SYN3: variants seen among roughly 807,000 people sequenced by gnomAD.
SYN3 encodes the protein synapsin III.
SYN3 carries 35 observed loss-of-function variants against 65.8 expected under a neutral mutation model. The ratio of observed to expected loss-of-function variants is 0.53; its 90% CI spans 0.41 to 0.70. The LOEUF (loss-of-function observed/expected upper bound fraction) is 0.70, where lower values mean the gene tolerates loss of function less well. Among genes scored for constraint, SYN3 ranks in the 30% least tolerant of loss-of-function variants. SYN3 has a pLI of 0.00. For missense variants in SYN3, 680 were observed against 749.0 expected, an observed-to-expected ratio of 0.91 and a Z score of 1.08; for synonymous variants, 270 against 292.9, an observed-to-expected ratio of 0.92 and a Z score of 0.80.
chr22:32,570,369 A>AT (rs935510732), intron 7 of SYN3, among the ~76,000 whole-genome samples: 2 of 152,168 alleles, frequency 1.3e-5, no homozygotes, highest in Non-Finnish European at 2.9e-5. Context: ...AGCAGTAAAG[A>AT]TTTTTTTATG....
chr22:32,858,112 C>T (rs1483440742), intron 6 of SYN3: 2 of 1,614,156 alleles, frequency 1.2e-6, no homozygotes, highest in Non-Finnish European at 1.7e-6. Context: ...GCTGAACTAT[C>T]GGTATCACCT....
At chr22:32,674,126 G>C (rs1490153296) in intron 6 of SYN3, among the ~76,000 whole-genome samples, 2 of 152,122 alleles carry the variant, frequency 1.3e-5, no homozygotes, top group African/African-American at 4.8e-5. Flanking sequence ...CCTAGATATG[G>C]GTAGAGTAGG....
chr22:32,866,934 T>C (rs2048702242), intron 5 of SYN3, among the ~76,000 whole-genome samples: 1 of 152,220 alleles, frequency 6.6e-6, no homozygotes. Flanking sequence ...GTGTGTACTT[T>C]GTGCCAGCCA....
intron 10 of SYN3, among the ~76,000 whole-genome samples, chr22:32,531,631 G>C (rs182541101): frequency 6.6e-6 from 1 of 151,684 alleles, no homozygotes; most frequent in Non-Finnish European, 1.5e-5. Context: ...CACATTTTCA[G>C]TTCTCACCAC....
At chr22:32,948,651 G>A (rs2051188288) in intron 3 of SYN3, among the ~76,000 whole-genome samples, 1 of 152,050 alleles carries the variant, frequency 6.6e-6, no homozygotes, top group Non-Finnish European at 1.5e-5. Context: ...GCAGGAGAAT[G>A]GCGTGAACCT....
intron 3 of SYN3, among the ~76,000 whole-genome samples, chr22:32,972,879 C>T (rs144565298): frequency 2.2e-4 from 34 of 152,018 alleles, no homozygotes; most frequent in Non-Finnish European, 4.6e-4. Context: ...GATGGTGGTG[C>T]ACACCTGTGG....
intron 6 of SYN3, among the ~76,000 whole-genome samples, chr22:32,742,125 A>C (rs2044790468): frequency 6.6e-6 from 1 of 151,914 alleles, no homozygotes; most frequent in African/African-American, 2.4e-5. Flanking sequence ...AATACAAAAA[A>C]ATTAGCCGGG....
intron 2 of SYN3, among the ~76,000 whole-genome samples, chr22:32,995,390 C>T (rs1046897244): frequency 2.6e-5 from 4 of 152,164 alleles, no homozygotes; most frequent in African/African-American, 9.7e-5. Context: ...ATAAGTCTCT[C>T]CAAATATGGC....
At chr22:32,667,244 C>T (rs2060301425) in intron 6 of SYN3, among the ~76,000 whole-genome samples, 1 of 151,894 alleles carries the variant, frequency 6.6e-6, no homozygotes, top group African/African-American at 2.4e-5. Flanking sequence ...TCCTCACTCA[C>T]TCACTCCCTT....
intron 6 of SYN3, among the ~76,000 whole-genome samples, chr22:32,739,030 G>A (rs1430707038): frequency 6.6e-6 from 1 of 152,188 alleles, no homozygotes; most frequent in African/African-American, 2.4e-5. Context: ...TAATTGGTTT[G>A]AAATTTTGGC....
chr22:33,053,831 A>G (rs2054210975), intron 1 of SYN3, among the ~76,000 whole-genome samples: 1 of 152,300 alleles, frequency 6.6e-6, no homozygotes, highest in Admixed American at 6.5e-5. Flanking sequence ...AAACTCCATG[A>G]GATTAGAGCC....
chr22:32,632,611 T>A (rs2059761793), intron 6 of SYN3, among the ~76,000 whole-genome samples: 1 of 152,194 alleles, frequency 6.6e-6, no homozygotes. Context: ...ACTGAGAATC[T>A]GCAGCTTGGT....
Position 32,931,466 on chromosome 22 carries a change from A to C in SYN3, c.385T>G (p.Leu129Val). 6.2e-7 allele frequency: 1 copy of C among 1,613,792 alleles called. No homozygotes were observed. Among genetic ancestry groups the C allele is most frequent in the East Asian group, 2.2e-5 (1 of 44,882 alleles). ...CCGGTCACATAGGCAGCTAGGTTCA[A>C]CTCTGAGAATTCAGCCTGAAGAATA... ...IRVEQAEFSE[L>V]NLAAYVTGGC... is the part of the protein sequence containing the mutation. Residue 129 changes from leucine to valine, a missense_variant, in exon 4 of 14, where the codon TTG becomes GTG. By Grantham distance (32) the Leu-to-Val change is conservative. Transcript: ENST00000358763.
At chr22:32,520,800 CA>C (rs1352378834) in intron 12 of SYN3, among the ~76,000 whole-genome samples, 5 of 152,158 alleles carry the variant, frequency 3.3e-5, no homozygotes, top group Admixed American at 2.6e-4. Context: ...CCTGACTCCA[CA>C]CTGGCACCAG....
intron 3 of SYN3, among the ~76,000 whole-genome samples, chr22:32,960,246 C>A (rs1170069803): frequency 6.6e-6 from 1 of 152,152 alleles, no homozygotes; most frequent in Non-Finnish European, 1.5e-5. Context: ...GCAGGCTCAA[C>A]CTCCTCTATA....
intron 8 of SYN3, among the ~76,000 whole-genome samples, chr22:32,539,304 A>T (rs1420495137): frequency 1.0e-5 from 1 of 100,300 alleles, no homozygotes; most frequent in South Asian, 4.2e-4. Flanking sequence ...ATACACTGAG[A>T]TGGAACCAAA....
intron 4 of SYN3, among the ~76,000 whole-genome samples, chr22:32,930,351 T>C (rs1039277973): frequency 6.6e-6 from 1 of 152,198 alleles, no homozygotes; most frequent in Non-Finnish European, 1.5e-5. Flanking sequence ...TTGTCTGCCA[T>C]CAGGTAAGAT....
chr22:32,918,759 A>G (rs2050256667), intron 4 of SYN3, among the ~76,000 whole-genome samples: 1 of 152,184 alleles, frequency 6.6e-6, no homozygotes, highest in Non-Finnish European at 1.5e-5. Flanking sequence ...GCAAGCGCCG[A>G]GCTAGTAACA....
intron 1 of SYN3, among the ~76,000 whole-genome samples, chr22:33,054,621 T>C (rs993356687): frequency 3.9e-5 from 6 of 152,206 alleles, no homozygotes; most frequent in African/African-American, 1.4e-4. Flanking sequence ...TCTCTATGGA[T>C]TGACCTATTC....
Sources: allele counts gnomAD v4.1 joint callset (sites outside exome capture counted in the v4.1 genomes callset), GRCh38; gene constraint gnomAD v4.1.1; transcripts MANE v1.5; gene names NCBI Gene and HGNC (gene_info 2026-07-23, HGNC 2026-07-21).